Variants in CHD9 observed in about 807,000 individuals in gnomAD.
The protein encoded by CHD9 is chromodomain helicase DNA binding protein 9, also known as ATP-dependent chromatin remodeler CHD9.
A neutral mutation model predicts 316.1 loss-of-function variants in CHD9; 77 were observed. The observed-to-expected ratio is 0.24, with a 90% CI of 0.20 to 0.29. The LOEUF is 0.29. CHD9 is among the 10% of genes least tolerant of loss of function. The pLI is 1.00. For missense variants in CHD9, 2,763 were observed against 3,438.1 expected (o/e 0.80, Z 4.91); for synonymous variants, 1,129 against 1,158.3 (o/e 0.97, Z 0.51).
At position 53,156,743 on chromosome 16, in the gene CHD9, T is replaced by C. The variant is rs780512837; in HGVS notation, c.654T>C (p.Asn218=). 14 of 1,613,500 alleles carry C rather than the reference T, an allele frequency of 8.7e-6. No individual in the cohort carries two copies. The East Asian group carries it at 1.6e-4, about 18-fold the overall frequency. ...TTAACCACCCACCACAGATGACTAATGCATCTAATTCACAACAGTCTATTT... is the reference window on the plus strand; with the variant it reads ...TTAACCACCCACCACAGATGACTAACGCATCTAATTCACAACAGTCTATTT... ...VNVNHPPQMT[N]ASNSQQSISM... Residue 218 remains asparagine, a synonymous_variant, in exon 2 of 39, where the codon AAT becomes AAC. Coordinates refer to ENST00000447540, the MANE Select transcript of CHD9 (RefSeq NM_001308319.2).
chr16:53,243,376 C>T (rs567936184), intron 13 of CHD9, among the ~76,000 whole-genome samples: 10 of 152,164 alleles, frequency 6.6e-5, no homozygotes, highest in East Asian at 1.9e-4. Context: ...TGCAGTGGTG[C>T]GGTCTCCACT....
At chr16:53,238,234 T>C in intron 11 of CHD9, 109 bp from the exon 12 acceptor site, 1 of 1,074,688 alleles carries the variant, frequency 9.3e-7, no homozygotes, top group Non-Finnish European at 1.3e-6. Flanking sequence ...TTTTACATTT[T>C]TATAAATGCA....
intron 11 of CHD9, among the ~76,000 whole-genome samples, chr16:53,237,131 C>T (rs2048702135): frequency 6.6e-6 from 1 of 152,048 alleles, no homozygotes; most frequent in African/African-American, 2.4e-5. Context: ...AATTGTTCTT[C>T]CTCTGTATTT....
chr16:53,282,003 G>T (rs2053461245), intron 24 of CHD9, among the ~76,000 whole-genome samples: 2 of 151,994 alleles, frequency 1.3e-5, no homozygotes, highest in Admixed American at 1.3e-4. Context: ...GGTAAGTATG[G>T]AATCTGGGAC....
intron 3 of CHD9, among the ~76,000 whole-genome samples, chr16:53,210,885 G>A (rs2046281292): frequency 6.6e-6 from 1 of 151,982 alleles, no homozygotes; most frequent in Non-Finnish European, 1.5e-5. Context: ...TGTTATAATA[G>A]ATTAATAATC....
intron 8 of CHD9, among the ~76,000 whole-genome samples, chr16:53,230,745 T>G (rs2048096613): frequency 6.7e-6 from 1 of 150,306 alleles, no homozygotes; most frequent in Non-Finnish European, 1.5e-5. Flanking sequence ...GTTGGGGTTA[T>G]TTTAAAGATT....
chr16:53,288,388 G>C (rs1178933912), intron 27 of CHD9, among the ~76,000 whole-genome samples: 1 of 152,236 alleles, frequency 6.6e-6, no homozygotes, highest in African/African-American at 2.4e-5. Context: ...GTTTGAGATA[G>C]AGGGTAGAGC....
chr16:53,268,640 C>T (rs1302866194), intron 22 of CHD9, among the ~76,000 whole-genome samples: 2 of 152,118 alleles, frequency 1.3e-5, no homozygotes, highest in African/African-American at 2.4e-5. Context: ...GTCTCTGGGT[C>T]AGCAGCATCA....
chr16:53,102,760 G>A (rs1001822376), intron 1 of CHD9, among the ~76,000 whole-genome samples: 3 of 152,054 alleles, frequency 2.0e-5, no homozygotes, highest in Admixed American at 6.6e-5. Context: ...TGAGGCAGAC[G>A]GATTGCTTGA....
intron 16 of CHD9, among the ~76,000 whole-genome samples, chr16:53,248,900 T>G (rs1239160234): frequency 6.6e-6 from 1 of 152,192 alleles, no homozygotes. Flanking sequence ...AGAGATTATG[T>G]AGTTCATTTT....
chr16:53,205,035 T>C (rs1304023197), intron 2 of CHD9, among the ~76,000 whole-genome samples: 1 of 151,902 alleles, frequency 6.6e-6, no homozygotes, highest in Non-Finnish European at 1.5e-5. Flanking sequence ...AGAGATGGGG[T>C]TTCACCATGT....
rs777270733 is a variant in CHD9 at position 53,157,544 on chromosome 16, A to G, written c.1452+3A>G. On this transcript the variant is annotated splice_donor_region_variant and intron_variant, in intron 2 of 38. Transcript: ENST00000447540. ...ATCACCTATGTTTACAGCGACAGGT[A>G]TGTAGCTCTTTGCTTTTATTTTGGA... 7 of 1,598,838 alleles carry G rather than the reference A, an allele frequency of 4.4e-6. No homozygotes were observed. Among genetic ancestry groups the G allele is most frequent in the Non-Finnish European group, 5.1e-6 (6 of 1,170,234 alleles).
At chr16:53,300,408 T>C (rs907242902) in intron 30 of CHD9, among the ~76,000 whole-genome samples, 3 of 148,222 alleles carry the variant, frequency 2.0e-5, no homozygotes, top group South Asian at 2.3e-4. Flanking sequence ...TTCCAACTGA[T>C]GGATACAAAA....
At position 53,324,728 on chromosome 16, in the gene CHD9, AAAG is replaced by A; in HGVS notation, c.8535_8537del (p.Glu2845del). 1.2e-6 allele frequency: 2 copies of A among 1,613,440 alleles called. No homozygotes were observed. The highest frequency in any genetic ancestry group is 1.1e-5 in the South Asian group (1 of 90,932). On this transcript the variant is annotated inframe_deletion, in exon 39 of 39. Coordinates refer to ENST00000447540, the MANE Select transcript of CHD9 (RefSeq NM_001308319.2). ...AGGCTCGTCTAAGTCTGTAGAAGTA[AAAG>A]AAGAAGATTCCAGAATTAAAGATCA...
chr16:53,197,805 G>A (rs1283446142), intron 2 of CHD9, among the ~76,000 whole-genome samples: 1 of 151,904 alleles, frequency 6.6e-6, no homozygotes, highest in Non-Finnish European at 1.5e-5. Flanking sequence ...CTACAGGCGT[G>A]CACCACCACA....
At chr16:53,130,490 C>G (rs2039180319) in intron 1 of CHD9, among the ~76,000 whole-genome samples, 1 of 149,428 alleles carries the variant, frequency 6.7e-6, no homozygotes, top group Admixed American at 6.7e-5. Context: ...GCGGGGCGGG[C>G]GGCGCGAGGG....
In CHD9 at chr16:53,250,002, A is replaced by G. The variant is rs1327847689; in HGVS notation, c.3797A>G (p.Asn1266Ser). The G allele has an allele frequency of 6.2e-7, 1 of 1,613,782 alleles. No individual in the cohort carries two copies. Among genetic ancestry groups the G allele is most frequent in the Non-Finnish European group, 8.5e-7 (1 of 1,179,768 alleles). ...ACCCGAGCTGGTGGGTTGGGCATCAACTTAACTGCAGCTGATACATGTATA... is the reference window on the plus strand; with the variant it reads ...ACCCGAGCTGGTGGGTTGGGCATCAGCTTAACTGCAGCTGATACATGTATA... ...LCTRAGGLGINLTAADTCIIF... is the reference protein window; with the variant it reads ...LCTRAGGLGISLTAADTCIIF... Residue 1266 changes from asparagine to serine, a missense_variant, in exon 17 of 39, where the codon AAC becomes AGC. Physicochemically the swap from Asn to Ser is conservative, Grantham distance 46. Transcript: ENST00000447540.
chr16:53,151,824 T>G (rs2041142487), intron 1 of CHD9, among the ~76,000 whole-genome samples: 1 of 152,206 alleles, frequency 6.6e-6, no homozygotes, highest in Admixed American at 6.5e-5. Context: ...TGGGCCATGG[T>G]TTCCTTTAGC....
chr16:53,305,588 G>A (rs574562148), intron 31 of CHD9, among the ~76,000 whole-genome samples: 15 of 152,244 alleles, frequency 9.9e-5, no homozygotes, highest in African/African-American at 3.4e-4. Context: ...ATATTATATA[G>A]CAGTCACCAA....
Sources: allele counts gnomAD v4.1 joint callset (sites outside exome capture counted in the v4.1 genomes callset), GRCh38; gene constraint gnomAD v4.1.1; transcripts MANE v1.5; gene names NCBI Gene and HGNC (gene_info 2026-07-23, HGNC 2026-07-21).